The following CYP4X1 variants were observed in gnomAD, a reference collection of about 807,000 sequenced individuals.
The protein encoded by CYP4X1 is cytochrome P450 4X1.
In CYP4X1, 44 loss-of-function variants were observed where a neutral mutation model predicts 57.9. The ratio of observed to expected loss-of-function variants is 0.76; its 90% confidence interval spans 0.60 to 0.98. CYP4X1 has a LOEUF of 0.98. CYP4X1 is among the 50% of genes least tolerant of loss of function. CYP4X1 has a pLI of 0.00. For missense variants in CYP4X1, 532 were observed against 623.9 expected, an observed-to-expected ratio of 0.85 and a Z score of 1.57; for synonymous variants, 227 against 228.6, an observed-to-expected ratio of 0.99 and a Z score of 0.06.
chr1:47,049,906 A>G (rs1167853949), intron 11 of CYP4X1, 94 bp from the exon 12 acceptor site: 2 of 1,264,670 alleles, frequency 1.6e-6, no homozygotes, highest in Non-Finnish European at 2.2e-6. Flanking sequence ...ATATCACTTT[A>G]CTGTGTACTT....
At chr1:46,962,223 T>G in the CYP4X1 span, among the ~76,000 whole-genome samples, 1 of 152,128 alleles carries the variant, frequency 6.6e-6, no homozygotes, top group Non-Finnish European at 1.5e-5. Flanking sequence ...TTCGAGTGAT[T>G]CTCCTGCCTC....
At chr1:47,055,044 T>C (rs919085537), downstream of CYP4X1, among the ~76,000 whole-genome samples, 6 of 152,238 alleles carry the variant, frequency 3.9e-5, no homozygotes, top group African/African-American at 1.4e-4. Flanking sequence ...CTGTAGGATA[T>C]TGGCTGTGGG....
chr1:47,017,360 C>T, the CYP4X1 span, among the ~76,000 whole-genome samples: 38 of 151,810 alleles, frequency 2.5e-4, no homozygotes, highest in African/African-American at 8.7e-4. Flanking sequence ...GCATAAAAAC[C>T]AAGGCTTTAA....
chr1:46,999,412 T>TTATTTCTG, the CYP4X1 span, among the ~76,000 whole-genome samples: 1 of 152,208 alleles, frequency 6.6e-6, no homozygotes, highest in Non-Finnish European at 1.5e-5. Flanking sequence ...TTATCAGTTG[T>TTATTTCTG]AATGTTACCT....
chr1:46,975,129 C>G, the CYP4X1 span, among the ~76,000 whole-genome samples: 1 of 152,052 alleles, frequency 6.6e-6, no homozygotes, highest in Non-Finnish European at 1.5e-5. Context: ...TGCAGTCATC[C>G]TCTTATGCTC....
At chr1:47,006,339 C>A in the CYP4X1 span, among the ~76,000 whole-genome samples, 2,697 of 152,234 alleles carry the variant, frequency 0.018, 58 homozygotes, top group East Asian at 0.048. Flanking sequence ...GGTTACCAAG[C>A]ATAAGAATTC....
chr1:47,054,609 T>C (rs952172500), downstream of CYP4X1, among the ~76,000 whole-genome samples: 62 of 152,336 alleles, frequency 4.1e-4, no homozygotes, highest in African/African-American at 1.4e-3. Flanking sequence ...CAGCGGTTTG[T>C]AGTTCTCCTT....
the CYP4X1 span, among the ~76,000 whole-genome samples, chr1:46,997,518 G>A: frequency 6.6e-6 from 1 of 152,134 alleles, no homozygotes; most frequent in Non-Finnish European, 1.5e-5. Flanking sequence ...TTAGGATAAT[G>A]GCCTCCAGCT....
chr1:47,007,926 A>G, the CYP4X1 span, among the ~76,000 whole-genome samples: 1 of 152,230 alleles, frequency 6.6e-6, no homozygotes, highest in Non-Finnish European at 1.5e-5. Flanking sequence ...GACTATGTGA[A>G]AAGACTGAAT....
chr1:47,048,557 T>C lies in CYP4X1; in HGVS notation c.1208-8T>C. The stretch of plus-strand genomic sequence containing the variant: ...CCTGCAGTCTCTTTTATTTCCCTCC[T>C]TTCTTAGGGATCACCGTGGTTCTTA... On this transcript the variant is annotated splice_polypyrimidine_tract_variant and splice_region_variant and intron_variant, in intron 9 of 11. Coordinates refer to ENST00000371901, the MANE Select transcript of CYP4X1 (RefSeq NM_178033.2). The C allele has an allele frequency of 6.2e-7, 1 of 1,614,070 alleles. No homozygotes were observed. Among genetic ancestry groups the C allele is most frequent in the Non-Finnish European group, 8.5e-7 (1 of 1,179,966 alleles).
At chr1:47,026,592 G>C (rs1644068088) in intron 1 of CYP4X1, among the ~76,000 whole-genome samples, 1 of 152,076 alleles carries the variant, frequency 6.6e-6, no homozygotes, top group Non-Finnish European at 1.5e-5. Context: ...CTAGGGTTCT[G>C]CTTGGGATTG....
chr1:46,989,650 G>A, the CYP4X1 span, among the ~76,000 whole-genome samples: 45,804 of 151,746 alleles, frequency 0.3, 7,291 homozygotes, highest in East Asian at 0.57. Flanking sequence ...ACTTCAAACT[G>A]TACTACAAGG....
At chr1:47,040,281 G>A (rs1354366339) in intron 8 of CYP4X1, among the ~76,000 whole-genome samples, 3 of 152,094 alleles carry the variant, frequency 2.0e-5, no homozygotes, top group Admixed American at 2.0e-4. Flanking sequence ...AGGATAAGTA[G>A]GAGTTAGCCA....
chr1:47,028,108 G>A (rs1383328453), intron 1 of CYP4X1, among the ~76,000 whole-genome samples: 1 of 152,100 alleles, frequency 6.6e-6, no homozygotes, highest in Non-Finnish European at 1.5e-5. Context: ...AATAGGCCAG[G>A]TGGTTTGACA....
chr1:47,046,808 T>C (rs912948393), intron 9 of CYP4X1, among the ~76,000 whole-genome samples: 1 of 152,168 alleles, frequency 6.6e-6, no homozygotes, highest in Non-Finnish European at 1.5e-5. Flanking sequence ...ACATAGCCAG[T>C]TGCAGCAAAG....
chr1:46,993,974 C>A, the CYP4X1 span, among the ~76,000 whole-genome samples: 2 of 152,176 alleles, frequency 1.3e-5, no homozygotes, highest in Admixed American at 6.6e-5. Context: ...GTTGCCATTG[C>A]TTTTCGTGTT....
chr1:47,011,985 GT>G, the CYP4X1 span, among the ~76,000 whole-genome samples: 1 of 152,230 alleles, frequency 6.6e-6, no homozygotes, highest in Non-Finnish European at 1.5e-5. Flanking sequence ...TTCAATCATT[GT>G]GGAAGACAGT....
chr1:46,986,951 T>G, the CYP4X1 span, among the ~76,000 whole-genome samples: 291 of 152,240 alleles, frequency 1.9e-3, no homozygotes, highest in African/African-American at 6.6e-3. Context: ...CAATTGATAC[T>G]ATGAAGAAAC....
chr1:47,016,499 G>A, the CYP4X1 span, among the ~76,000 whole-genome samples: 38 of 151,870 alleles, frequency 2.5e-4, no homozygotes, highest in Non-Finnish European at 4.7e-4. Flanking sequence ...CCACCACCAC[G>A]CCCAGTTGAT....
Sources: allele counts gnomAD v4.1 joint callset (sites outside exome capture counted in the v4.1 genomes callset), GRCh38; gene constraint gnomAD v4.1.1; transcripts MANE v1.5; gene names NCBI Gene and HGNC (gene_info 2026-07-23, HGNC 2026-07-21).